Variants in ATP2C2 observed in about 807,000 individuals in gnomAD.
The protein encoded by ATP2C2 is calcium-transporting ATPase type 2C member 2.
ATP2C2 carries 171 observed loss-of-function variants against 110.8 expected under a neutral mutation model. The observed-to-expected ratio is 1.54, with a 90% CI of 1.36 to 1.75. ATP2C2 has a LOEUF of 1.75. Among genes scored for constraint, ATP2C2 ranks in the 40% most tolerant of loss-of-function variants. The probability of loss-of-function intolerance (pLI) is 0.00; values close to 1 mark genes in which losing one functional copy is unlikely to be tolerated. For missense variants in ATP2C2, 1,963 were observed against 1,235.0 expected (o/e 1.59, Z -8.84); for synonymous variants, 804 against 508.4 (o/e 1.58, Z -7.82).
At chr16:84,369,467 G>T (rs1401969821) in intron 1 of ATP2C2, among the ~76,000 whole-genome samples, 5 of 151,716 alleles carry the variant, frequency 3.3e-5, no homozygotes, top group South Asian at 2.1e-4. Flanking sequence ...CTGAATTTCT[G>T]CAGAAGCGTT....
At chr16:84,452,948 G>A (rs982407325) in intron 18 of ATP2C2, among the ~76,000 whole-genome samples, 190 bp from the exon 19 acceptor site, 2 of 152,170 alleles carry the variant, frequency 1.3e-5, no homozygotes, top group Non-Finnish European at 2.9e-5. Context: ...TCTTTAAAGT[G>A]GGGATAATGA....
chr16:84,414,059 C>A (rs765627029), intron 6 of ATP2C2, among the ~76,000 whole-genome samples: 2 of 152,138 alleles, frequency 1.3e-5, no homozygotes, highest in South Asian at 4.2e-4. Flanking sequence ...GTAATAGTGA[C>A]TGGTAGAAGG....
chr16:84,416,814 G>A (rs1906874873), intron 7 of ATP2C2, among the ~76,000 whole-genome samples: 1 of 152,208 alleles, frequency 6.6e-6, no homozygotes, highest in African/African-American at 2.4e-5. Flanking sequence ...AGTCTGGGGT[G>A]CATGGATCCG....
At chr16:84,447,856 TTAA>T (rs1314207368) in intron 16 of ATP2C2, among the ~76,000 whole-genome samples, 6 of 145,944 alleles carry the variant, frequency 4.1e-5, no homozygotes, top group East Asian at 2.0e-4. Context: ...ATTATATTTA[TTAA>T]TAACATTAAT....
intron 11 of ATP2C2, among the ~76,000 whole-genome samples, chr16:84,434,014 G>A (rs950592799): frequency 3.3e-5 from 5 of 152,160 alleles, no homozygotes; most frequent in African/African-American, 9.7e-5. Flanking sequence ...GATTAAAGCC[G>A]CTGAAAGCCA....
intron 1 of ATP2C2, among the ~76,000 whole-genome samples, chr16:84,374,249 G>C (rs563688552): frequency 6.6e-6 from 1 of 152,234 alleles, no homozygotes; most frequent in African/African-American, 2.4e-5. Context: ...ATCCACAATT[G>C]TGCGCTGTGT....
chr16:84,408,627 G>T, intron 4 of ATP2C2, 133 bp downstream of exon 4: 1 of 696,494 alleles, frequency 1.4e-6, no homozygotes, highest in Non-Finnish European at 2.4e-6. Flanking sequence ...AGAAAGAAAG[G>T]AAAGCAAATC....
intron 1 of ATP2C2, among the ~76,000 whole-genome samples, chr16:84,390,613 C>T (rs1481978092): frequency 4.6e-5 from 7 of 151,840 alleles, no homozygotes; most frequent in Admixed American, 4.6e-4. Context: ...ATGAGTCGTT[C>T]CGGAGGCTGG....
intron 21 of ATP2C2, among the ~76,000 whole-genome samples, chr16:84,458,535 C>T (rs1910914879): frequency 6.6e-6 from 1 of 150,932 alleles, no homozygotes; most frequent in Non-Finnish European, 1.5e-5. Flanking sequence ...GTCATAATAT[C>T]AGCTCTATAG....
At chr16:84,462,480 C>G (rs539903136) in intron 26 of ATP2C2, 12 of 206,064 alleles carry the variant, frequency 5.8e-5, no homozygotes, top group Admixed American at 3.1e-4. Context: ...AGCTGGGGAG[C>G]CTGGACTTGA....
intron 23 of ATP2C2, chr16:84,460,005 G>A (rs373384690): frequency 2.5e-5 from 6 of 238,168 alleles, no homozygotes; most frequent in Non-Finnish European, 4.2e-5. Flanking sequence ...CCACGTGTGC[G>A]TAACCGTATG....
At chr16:84,454,767 C>A in intron 20 of ATP2C2, 51 bp from the exon 21 acceptor site, 1 of 1,519,436 alleles carries the variant, frequency 6.6e-7, no homozygotes, top group Non-Finnish European at 8.8e-7. Context: ...TGGCCGGGCA[C>A]TGGGAGGTGG....
At chr16:84,387,393 T>A (rs1180955689) in intron 1 of ATP2C2, among the ~76,000 whole-genome samples, 1 of 152,034 alleles carries the variant, frequency 6.6e-6, no homozygotes, top group Non-Finnish European at 1.5e-5. Flanking sequence ...GTGCCTGTAA[T>A]CCCAGCCACT....
At chr16:84,388,369 A>C (rs1438738372) in intron 1 of ATP2C2, among the ~76,000 whole-genome samples, 4 of 152,172 alleles carry the variant, frequency 2.6e-5, no homozygotes, top group Non-Finnish European at 5.9e-5. Flanking sequence ...TGAACACATC[A>C]GTCAGAGTCC....
intron 14 of ATP2C2, 94 bp from the exon 15 acceptor site, chr16:84,442,416 A>G (rs2288582): frequency 0.18 from 218,381 of 1,202,086 alleles, 24,492 homozygotes; most frequent in East Asian, 0.56. Flanking sequence ...TCTTGTCCCC[A>G]CAACCCCAGC....
chr16:84,416,931 A>G (rs1564215), intron 7 of ATP2C2, among the ~76,000 whole-genome samples: 8 of 25,884 alleles, frequency 3.1e-4, no homozygotes, highest in Non-Finnish European at 6.6e-4. Context: ...GGGTCCTAAC[A>G]GGGGATGCTC....
At chr16:84,424,914 C>G (rs1208220106) in intron 10 of ATP2C2, among the ~76,000 whole-genome samples, 2 of 152,130 alleles carry the variant, frequency 1.3e-5, no homozygotes, top group South Asian at 2.1e-4. Flanking sequence ...GGGGGTGGCT[C>G]TAGGCTCACT....
chr16:84,378,996 G>C (rs1211042914), intron 1 of ATP2C2, among the ~76,000 whole-genome samples: 1 of 152,042 alleles, frequency 6.6e-6, no homozygotes, highest in African/African-American at 2.4e-5. Context: ...TCAGGGTGCA[G>C]GGTACACATG....
chr16:84,372,549 C>T (rs1055728161), intron 1 of ATP2C2, among the ~76,000 whole-genome samples: 2 of 151,946 alleles, frequency 1.3e-5, no homozygotes, highest in East Asian at 2.0e-4. Context: ...CTCAGCTTCC[C>T]GAGTAGCTGG....
Sources: allele counts gnomAD v4.1 joint callset (sites outside exome capture counted in the v4.1 genomes callset), GRCh38; gene constraint gnomAD v4.1.1; transcripts MANE v1.5; gene names NCBI Gene and HGNC (gene_info 2026-07-23, HGNC 2026-07-21).